Variants in NEDD4 observed in about 807,000 individuals in gnomAD.
NEDD4 encodes NEDD4 E3 ubiquitin protein ligase, also known as E3 ubiquitin-protein ligase NEDD4.
In NEDD4, 99 loss-of-function variants were observed where a neutral mutation model predicts 144.9. That is an observed-to-expected ratio of 0.68 (90% CI 0.58 to 0.81). The LOEUF (loss-of-function observed/expected upper bound fraction) is 0.81. NEDD4 is among the 30% of genes least tolerant of loss of function. The pLI is 0.00. For missense variants in NEDD4, 985 were observed against 1,065.9 expected, an observed-to-expected ratio of 0.92 and a Z score of 1.06; for synonymous variants, 318 against 350.6, an observed-to-expected ratio of 0.91 and a Z score of 1.04.
chr15:55,882,375 A>G (rs2035224839), intron 5 of NEDD4, among the ~76,000 whole-genome samples: 1 of 152,170 alleles, frequency 6.6e-6, no homozygotes, highest in Non-Finnish European at 1.5e-5. Context: ...GGGAGAGCTC[A>G]GTGACAGTGG....
At chr15:55,931,817 A>G (rs543293771) in intron 4 of NEDD4, among the ~76,000 whole-genome samples, 1 of 152,326 alleles carries the variant, frequency 6.6e-6, no homozygotes, top group African/African-American at 2.4e-5. Context: ...AATGGTTTTT[A>G]ATATATTCAG....
At chr15:55,929,089 C>G (rs1232372724) in intron 4 of NEDD4, among the ~76,000 whole-genome samples, 1 of 152,072 alleles carries the variant, frequency 6.6e-6, no homozygotes, top group Non-Finnish European at 1.5e-5. Context: ...ACAGATGAAG[C>G]AGGGATGGAA....
chr15:55,935,742 G>A (rs199915202), intron 4 of NEDD4, among the ~76,000 whole-genome samples: 1 of 151,304 alleles, frequency 6.6e-6, no homozygotes, highest in East Asian at 2.0e-4. Context: ...AGCTACTCGG[G>A]AGGCTGCGGC....
At chr15:55,944,073 G>A (rs1405295264) in intron 4 of NEDD4, among the ~76,000 whole-genome samples, 5 of 152,198 alleles carry the variant, frequency 3.3e-5, no homozygotes, top group African/African-American at 1.2e-4. Context: ...TATGATTGAC[G>A]CAGAAGACGG....
intron 23 of NEDD4, 52 bp downstream of exon 23, chr15:55,838,055 G>T: frequency 8.6e-7 from 1 of 1,166,424 alleles, no homozygotes; most frequent in South Asian, 1.4e-5. Context: ...AGTCTTTCTG[G>T]AATAAAGTAC....
Position 55,966,484 on chromosome 15 carries a change from T to A in NEDD4, c.108A>T (p.Ile36=). ...ATAGATATACTTACCTAGCTCCCAA[T>A]ATATCCTTCTTGGCAAGGCCTATTC... is the stretch of plus-strand genomic sequence containing the variant. ...IAGIGLAKKD[I]LGASDPYVRV... Residue 36 remains isoleucine, a synonymous_variant, in exon 2 of 29, where the codon ATA becomes ATT. Transcript: ENST00000435532. The A allele has an allele frequency of 6.5e-7, 1 of 1,528,516 alleles. No homozygotes were observed. Among genetic ancestry groups the A allele is most frequent in the Non-Finnish European group, 8.8e-7 (1 of 1,135,874 alleles). The allele number at this position is 1,528,516 out of a possible 1,614,324, so 94.7% of individuals were successfully genotyped here.
chr15:55,927,096 A>AAAAG (rs1566955468), intron 4 of NEDD4, among the ~76,000 whole-genome samples: 78 of 142,854 alleles, frequency 5.5e-4, no homozygotes, highest in Middle Eastern at 3.7e-3. Flanking sequence ...AAAAAAAAAA[A>AAAAG]AAAGAAAGAA....
chr15:55,863,674 G>GT (rs1361146751), intron 8 of NEDD4, among the ~76,000 whole-genome samples: 1 of 152,210 alleles, frequency 6.6e-6, no homozygotes, highest in Non-Finnish European at 1.5e-5. Context: ...GAGAAGTATA[G>GT]TTTAAACTAC....
chr15:55,916,911 A>G (rs2036469248), intron 5 of NEDD4: 6 of 1,510,566 alleles, frequency 4.0e-6, no homozygotes, highest in Non-Finnish European at 5.3e-6. Context: ...AAGCAGCTGC[A>G]CTGCATCAAA....
At chr15:55,993,383 A>C (rs2038020174) in intron 1 of NEDD4, 128 bp downstream of exon 1, 11 of 1,197,542 alleles carry the variant, frequency 9.2e-6, no homozygotes, top group Non-Finnish European at 1.3e-5. Flanking sequence ...CGCGCTCCCC[A>C]GGCTCGCGCC....
At chr15:55,964,182 ATT>A (rs60646551) in intron 2 of NEDD4, among the ~76,000 whole-genome samples, 20,411 of 152,050 alleles carry the variant, frequency 0.13, 1,474 homozygotes, top group East Asian at 0.32. Context: ...TTCAAAAAAT[ATT>A]GTGCCTTCTT....
At chr15:55,914,835 C>T (rs181196448) in intron 5 of NEDD4, among the ~76,000 whole-genome samples, 416 of 151,790 alleles carry the variant, frequency 2.7e-3, no homozygotes, top group Non-Finnish European at 4.5e-3. Flanking sequence ...AATAAGCATT[C>T]TAAATTTTAC....
intron 1 of NEDD4, among the ~76,000 whole-genome samples, chr15:55,978,186 T>C (rs561901655): frequency 1.3e-5 from 2 of 152,244 alleles, no homozygotes; most frequent in South Asian, 4.1e-4. Flanking sequence ...TAACAAGCAT[T>C]AATCAAAAAC....
At chr15:55,915,687 T>C (rs1306760825) in intron 5 of NEDD4, 1 of 1,613,890 alleles carries the variant, frequency 6.2e-7, no homozygotes, top group Non-Finnish European at 8.5e-7. Flanking sequence ...TGCTTTTCGT[T>C]GGGTGAAATG....
At position 55,882,143 on chromosome 15, in the gene NEDD4, C is replaced by A. The variant is rs183305499; in HGVS notation, c.292-8135G>T. ...CAAGAAAACCAAATAGAAGCCTCCA[C>A]TGATCATCCTACCTGCAGAAACACA... On this transcript the variant is annotated intron_variant, in intron 5 of 28. Transcript: ENST00000435532. Among the ~76,000 whole-genome samples the A allele has an allele frequency of 1.6e-4, 25 of 152,346 alleles. 1 individual carries two copies. Among genetic ancestry groups the A allele is most frequent in the African/African-American group, 3.4e-4 (14 of 41,582 alleles).
intron 1 of NEDD4, among the ~76,000 whole-genome samples, chr15:55,982,810 C>T (rs1409264673): frequency 6.6e-6 from 1 of 152,068 alleles, no homozygotes; most frequent in Admixed American, 6.6e-5. Flanking sequence ...AAGTTCAATT[C>T]CAACAAACAG....
Position 55,830,554 on chromosome 15 carries a change from G to A in NEDD4, c.2560C>T (p.Gln854Ter). The change falls in exon 28 of 29, where the codon CAG (glutamine) becomes TAG (stop). Residue 854 changes from glutamine to a stop codon, truncating the protein, a stop_gained. Transcript: ENST00000435532. LOFTEE classifies it high-confidence loss of function. ...SNGPQSFTVE[Q>*]WGTPEKLPRA... Reference sequence around the variant, plus strand: ...GGCAGCTTTTCAGGAGTACCCCACTGTTCAACTGTAAATGACTGTGGTCCA... The same window carrying A: ...GGCAGCTTTTCAGGAGTACCCCACTATTCAACTGTAAATGACTGTGGTCCA... 1 of 1,614,100 alleles carries A rather than the reference G, an allele frequency of 6.2e-7. No individual in the cohort carries two copies. The highest frequency in any genetic ancestry group is 8.5e-7 in the Non-Finnish European group (1 of 1,179,974).
chr15:55,871,965 G>A (rs987456896), intron 7 of NEDD4, among the ~76,000 whole-genome samples: 7 of 152,056 alleles, frequency 4.6e-5, no homozygotes, highest in Admixed American at 6.6e-5. Flanking sequence ...TGCTATTTGG[G>A]TTTTAAATTC....
Position 55,984,071 on chromosome 15 carries a change from CAT to C in NEDD4, c.45+9438_45+9439del, listed in dbSNP as rs540494551. Reference sequence around the variant, plus strand: ...CATGCCCTGACCCACGTGCCTGATACATAGTGTTCATCAAATATTTGTTAAGC... The same window carrying C: ...CATGCCCTGACCCACGTGCCTGATACAGTGTTCATCAAATATTTGTTAAGC... On this transcript the variant is annotated intron_variant, in intron 1 of 28. Transcript: ENST00000435532. 1.2e-4 allele frequency among the ~76,000 whole-genome samples: 18 copies of C among 152,252 alleles called. No homozygotes were observed. The South Asian group carries it at 2.3e-3, about 19-fold the overall frequency.
Sources: allele counts gnomAD v4.1 joint callset (sites outside exome capture counted in the v4.1 genomes callset), GRCh38; gene constraint gnomAD v4.1.1; transcripts MANE v1.5; gene names NCBI Gene and HGNC (gene_info 2026-07-23, HGNC 2026-07-21).